USP33: variants seen among roughly 807,000 people sequenced by gnomAD.
USP33 encodes ubiquitin carboxyl-terminal hydrolase 33.
Under a neutral mutation model 124.2 loss-of-function variants are expected in USP33, and 46 were observed. The ratio of observed to expected loss-of-function variants is 0.37; its 90% CI spans 0.29 to 0.47. The LOEUF is 0.47. Ranked by LOEUF, USP33 falls within the 20% of genes least tolerant of loss-of-function variation. The pLI, the probability that USP33 is intolerant of heterozygous loss-of-function variation, is 0.99. For synonymous variants in USP33, 350 were observed against 352.3 expected, an observed-to-expected ratio of 0.99 and a Z score of 0.07; for missense variants, 851 against 1,070.6, an observed-to-expected ratio of 0.79 and a Z score of 2.86.
intron 1 of USP33, among the ~76,000 whole-genome samples, chr1:77,748,986 T>A (rs1247891297): frequency 6.6e-6 from 1 of 152,210 alleles, no homozygotes; most frequent in Non-Finnish European, 1.5e-5. Context: ...CAATCTTCCA[T>A]CATTTTTTCA....
At position 77,721,911 on chromosome 1, in the gene USP33, C is replaced by T; in HGVS notation, c.1577G>A (p.Cys526Tyr). Reference protein sequence around the residue: ...MEYVKRFVVSCVPSWFWGPVV... With the variant: ...MEYVKRFVVSYVPSWFWGPVV... ...TGGACCCCAAAACCAGCTAGGGACA[C>T]ATGAGACAACAAACCTGAAACATCA... The change falls in exon 14 of 24, where the codon TGT (cysteine) becomes TAT (tyrosine). Residue 526 changes from cysteine (C) to tyrosine (Y), a missense_variant. Cys to Tyr is a radical substitution (Grantham distance 194). Around this residue, in one of 4 missense-constraint regions of USP33, gnomAD observed 281 missense variants for 425.0 expected, o/e 0.66. Transcript: ENST00000370794. 1 of 1,608,080 alleles carries T rather than the reference C, an allele frequency of 6.2e-7. No individual in the cohort carries two copies. The highest frequency in any genetic ancestry group is 8.5e-7 in the Non-Finnish European group (1 of 1,178,568).
rs1290967188 is a variant in USP33, at chr1:77,697,352, C to G, written c.2701G>C (p.Glu901Gln). ...VHVDPDILQA[E>Q]EKIEVETRSL ...CGAGTTTCTACTTCAATTTTTTCTT[C>G]TGCTTGAAGTATATCTGGATCAACA... Residue 901 changes from glutamate to glutamine, a missense_variant, in exon 24 of 24, where the codon GAA becomes CAA. Glu to Gln is a conservative substitution (Grantham distance 29). Transcript: ENST00000370794. 1.9e-6 allele frequency: 3 copies of G among 1,603,640 alleles called. No individual in the cohort carries two copies. In the East Asian group the frequency reaches 6.7e-5, roughly 36 times the overall value.
rs138056905 is a variant in USP33 at position 77,715,755 on chromosome 1, C to T, written c.2032G>A (p.Val678Ile). ...ESTVQNAEAY[V>I]LFYRKSSEEA... ...TATTTCCATTACCTATAGAAAAGAA[C>T]GTAAGCTTCTGCATTTTGTACAGTA... Residue 678 changes from valine to isoleucine, a missense_variant, in exon 18 of 24, where the codon GTT becomes ATT. By Grantham distance (29) the Val-to-Ile change is conservative. This residue lies in a region of USP33 where 281 missense variants were observed against 425.0 expected (regional missense o/e 0.66). Transcript: ENST00000370794. 2.1e-5 allele frequency: 34 copies of T among 1,613,178 alleles called. No individual in the cohort carries two copies. The highest frequency in any genetic ancestry group is 6.7e-5 in the East Asian group (3 of 44,850).
chr1:77,723,503 A>G, intron 11 of USP33, 60 bp from the exon 12 acceptor site: 1 of 1,161,070 alleles, frequency 8.6e-7, no homozygotes, highest in Non-Finnish European at 1.2e-6. Flanking sequence ...TTTCTCTGGA[A>G]TCTTTTTTTG....
chr1:77,746,082 T>G (rs1679714057), intron 1 of USP33, among the ~76,000 whole-genome samples: 1 of 152,122 alleles, frequency 6.6e-6, no homozygotes, highest in Non-Finnish European at 1.5e-5. Context: ...AAAAAATTAA[T>G]GAATCCAGGA....
chr1:77,723,779 C>G (rs554967376), intron 11 of USP33, among the ~76,000 whole-genome samples: 24 of 152,108 alleles, frequency 1.6e-4, no homozygotes, highest in African/African-American at 5.5e-4. Flanking sequence ...ATTCTCCTAC[C>G]TTAGCCTCCC....
At chr1:77,749,806 T>A (rs1262666435) in intron 1 of USP33, among the ~76,000 whole-genome samples, 2 of 152,212 alleles carry the variant, frequency 1.3e-5, no homozygotes, top group African/African-American at 2.4e-5. Flanking sequence ...GATGTTCTTC[T>A]CACTGCTTTT....
intron 9 of USP33, 55 bp from the exon 10 acceptor site, chr1:77,728,767 G>GT (rs1677452153): frequency 2.0e-6 from 3 of 1,528,754 alleles, no homozygotes; most frequent in Non-Finnish European, 1.8e-6. Context: ...ATATAGAAAC[G>GT]TAAGGGAAAA....
intron 21 of USP33, among the ~76,000 whole-genome samples, chr1:77,704,525 A>C (rs1475132948): frequency 6.6e-6 from 1 of 152,214 alleles, no homozygotes; most frequent in African/African-American, 2.4e-5. Context: ...TCATTAATTT[A>C]AGGATGTGTT....
chr1:77,703,990 A>G (rs1267079560), intron 21 of USP33, among the ~76,000 whole-genome samples: 1 of 152,044 alleles, frequency 6.6e-6, no homozygotes, highest in Admixed American at 6.6e-5. Flanking sequence ...GCACACGCCT[A>G]TAGTCTCAGC....
chr1:77,728,829 G>T, intron 9 of USP33, 117 bp from the exon 10 acceptor site: 1 of 1,083,602 alleles, frequency 9.2e-7, no homozygotes, highest in Non-Finnish European at 1.3e-6. Context: ...ACTATATTGA[G>T]CAAATACCAG....
chr1:77,716,147 T>C (rs1675867715), intron 17 of USP33, among the ~76,000 whole-genome samples: 1 of 152,140 alleles, frequency 6.6e-6, no homozygotes, highest in Admixed American at 6.5e-5. Flanking sequence ...CAGCCTCAAA[T>C]TTCTGGGCTC....
intron 21 of USP33, among the ~76,000 whole-genome samples, chr1:77,707,281 A>G (rs1162044432): frequency 6.6e-6 from 1 of 152,206 alleles, no homozygotes; most frequent in African/African-American, 2.4e-5. Flanking sequence ...CAGAGGCTCT[A>G]GGGGAAGACT....
intron 20 of USP33, 95 bp downstream of exon 20, chr1:77,713,105 C>T (rs1411681938): frequency 8.2e-6 from 8 of 980,040 alleles, no homozygotes; most frequent in Non-Finnish European, 1.2e-5. Context: ...AGAATAAACA[C>T]ATAGCACAAG....
At chr1:77,730,597 A>T (rs1677694323) in intron 8 of USP33, 21 bp downstream of exon 8, 1 of 1,434,020 alleles carries the variant, frequency 7.0e-7, no homozygotes, top group African/African-American at 1.4e-5. Context: ...ATAAAGAAGA[A>T]GAGTATATTA....
At chr1:77,724,903 A>G (rs1158636062) in intron 11 of USP33, among the ~76,000 whole-genome samples, 3 of 152,058 alleles carry the variant, frequency 2.0e-5, no homozygotes, top group Non-Finnish European at 4.4e-5. Context: ...TTAGCCAGGC[A>G]TGGTGGCGTG....
chr1:77,728,496 T>C lies in USP33; in HGVS notation c.934A>G (p.Asn312Asp), dbSNP rs779819009. 2 of 1,614,162 alleles carry C rather than the reference T, an allele frequency of 1.2e-6. No homozygotes were observed. Among genetic ancestry groups the C allele is most frequent in the Non-Finnish European group, 1.7e-6 (2 of 1,180,016 alleles). Residue 312 changes from asparagine (N) to aspartate (D), a missense_variant, in exon 10 of 24, where the codon AAT (asparagine) becomes GAT (aspartate). Physicochemically the swap from Asn to Asp is conservative, Grantham distance 23 (BLOSUM62 1). Around this residue, in one of 4 missense-constraint regions of USP33, gnomAD observed 207 missense variants for 200.9 expected, o/e 1.03. Transcript: ENST00000370794. Reference protein sequence around the residue: ...ENGSRCFSEDNNETTMLIQDD... With the variant: ...ENGSRCFSEDDNETTMLIQDD... ...TGAATTAACATTGTTGTTTCATTAT[T>C]ATCTTCAGAAAAGCATCTAGAGCCA... is the stretch of plus-strand genomic sequence containing the variant.
chr1:77,720,170 A>G (rs1570774964), intron 15 of USP33: 1 of 290,080 alleles, frequency 3.4e-6, no homozygotes, highest in Non-Finnish European at 5.1e-6. Context: ...CAAATGAAAA[A>G]AAAAAAAAAA....
intron 14 of USP33, chr1:77,721,469 A>T: frequency 1.8e-6 from 1 of 551,558 alleles, no homozygotes; most frequent in Non-Finnish European, 3.2e-6. Context: ...ATGTCCAAGC[A>T]AGGTGCTAGA....
Sources: allele counts gnomAD v4.1 joint callset (sites outside exome capture counted in the v4.1 genomes callset), GRCh38; gene constraint gnomAD v4.1.1; regional missense constraint gnomAD v4.1.1; transcripts MANE v1.5; gene names NCBI Gene and HGNC (gene_info 2026-07-23, HGNC 2026-07-21).